The following PROM1 variants were observed in gnomAD, a reference collection of about 807,000 sequenced individuals.
PROM1 encodes prominin 1.
A neutral mutation model predicts 116.9 loss-of-function variants in PROM1; 105 were observed. The ratio of observed to expected loss-of-function variants is 0.90; its 90% CI spans 0.77 to 1.06. PROM1 has a LOEUF of 1.06. Among genes scored for constraint, PROM1 ranks in the 50% least tolerant of loss-of-function variants. The probability of loss-of-function intolerance (pLI) is 0.00; values close to 1 mark genes in which losing one functional copy is unlikely to be tolerated. For synonymous variants in PROM1, 393 were observed against 387.0 expected, an observed-to-expected ratio of 1.02 and a Z score of -0.18; for missense variants, 1,122 against 1,045.2, an observed-to-expected ratio of 1.07 and a Z score of -1.01.
At chr4:16,034,411 G>A (rs1325104797) in intron 4 of PROM1, among the ~76,000 whole-genome samples, 2 of 152,124 alleles carry the variant, frequency 1.3e-5, no homozygotes, top group Non-Finnish European at 2.9e-5. Context: ...ACCAAGCACT[G>A]AGTAGACACT....
intron 1 of PROM1, among the ~76,000 whole-genome samples, chr4:16,081,881 G>A (rs2149619500): frequency 6.7e-6 from 1 of 150,154 alleles, no homozygotes; most frequent in Admixed American, 6.7e-5. Context: ...GAAATCAGAA[G>A]GAAGTTTAGA....
At chr4:15,977,404 C>T (rs548101207) in intron 26 of PROM1, among the ~76,000 whole-genome samples, 1 of 152,132 alleles carries the variant, frequency 6.6e-6, no homozygotes, top group East Asian at 1.9e-4. Flanking sequence ...TATAAGACAC[C>T]CTCCAAGCAT....
intron 2 of PROM1, among the ~76,000 whole-genome samples, chr4:16,051,238 CT>C (rs1578219496): frequency 1.3e-5 from 2 of 152,220 alleles, no homozygotes; most frequent in African/African-American, 4.8e-5. Context: ...GTAACTGGCA[CT>C]GCTTAAATAA....
At chr4:16,068,215 T>C (rs1330236665) in intron 2 of PROM1, among the ~76,000 whole-genome samples, 1 of 152,176 alleles carries the variant, frequency 6.6e-6, no homozygotes, top group Non-Finnish European at 1.5e-5. Flanking sequence ...CTTGGCTATC[T>C]TAAATAAAAA....
intron 22 of PROM1, among the ~76,000 whole-genome samples, chr4:15,984,810 T>A (rs1347834034): frequency 1.3e-5 from 2 of 152,246 alleles, no homozygotes; most frequent in African/African-American, 2.4e-5. Flanking sequence ...TGCATAATTA[T>A]TTCATTATAT....
intron 1 of PROM1, among the ~76,000 whole-genome samples, chr4:16,081,922 CA>C (rs1560642628): frequency 6.7e-6 from 1 of 150,038 alleles, no homozygotes. Flanking sequence ...AAAAAAAAAA[CA>C]AGAATAAACT....
At chr4:16,022,814 T>C (rs1305342949) in intron 8 of PROM1, among the ~76,000 whole-genome samples, 1 of 152,232 alleles carries the variant, frequency 6.6e-6, no homozygotes, top group African/African-American at 2.4e-5. Context: ...TATGTATATT[T>C]CTTGCTTCTA....
At chr4:16,018,629 T>C (rs1729035938) in intron 8 of PROM1, 89 bp from the exon 9 acceptor site, 7 of 1,184,772 alleles carry the variant, frequency 5.9e-6, no homozygotes, top group African/African-American at 1.5e-5. Flanking sequence ...GATGGACTGG[T>C]AAATGACTTT....
At chr4:15,992,147 A>C (rs979579725) in intron 17 of PROM1, 101 bp downstream of exon 17, 2 of 1,462,102 alleles carry the variant, frequency 1.4e-6, no homozygotes, top group African/African-American at 2.8e-5. Context: ...GTCTTACATC[A>C]TGTGAATCTC....
chr4:15,982,663 C>T (rs1050710288), intron 23 of PROM1, among the ~76,000 whole-genome samples: 1 of 152,074 alleles, frequency 6.6e-6, no homozygotes, highest in African/African-American at 2.4e-5. Flanking sequence ...CTATGTGGTT[C>T]GACTGAATGG....
At chr4:15,986,382 TACG>T (rs1719416741) in intron 20 of PROM1, among the ~76,000 whole-genome samples, 1 of 151,750 alleles carries the variant, frequency 6.6e-6, no homozygotes. Context: ...TGGGGAAACA[TACG>T]ACAATGCTGG....
At chr4:16,010,778 G>A (rs1266434489) in intron 11 of PROM1, among the ~76,000 whole-genome samples, 94 of 152,280 alleles carry the variant, frequency 6.2e-4, no homozygotes, top group Non-Finnish European at 1.9e-4. Flanking sequence ...TGGGATTATA[G>A]CAGTGAGCCA....
Position 16,082,324 on chromosome 4 carries a change from G to C in PROM1, c.-213+1654C>G, listed in dbSNP as rs1028935626. On this transcript the variant is annotated intron_variant, in intron 1 of 27. Transcript: ENST00000447510. Reference sequence around the variant, plus strand: ...TTCTTATGATTCAACCCAACATATCGCAGCGGTTGTTCGTGTCGCATGAGT... The same window carrying C: ...TTCTTATGATTCAACCCAACATATCCCAGCGGTTGTTCGTGTCGCATGAGT... 3 of 151,980 alleles carry C rather than the reference G, an allele frequency of 2.0e-5. No individual in the cohort carries two copies. The East Asian group carries it at 5.8e-4, about 29-fold the overall frequency. 9.4% of individuals were successfully genotyped at this position (151,980 alleles called of 1,614,324 possible).
rs143193760 is a variant in PROM1, at chr4:16,018,421, G to C, written c.904C>G (p.Leu302Val). ...TSVKTSLRSS[L>V]NDPLCLVHPS... The stretch of plus-strand genomic sequence containing the variant: ...TGCACCAAGCACAGAGGGTCATTGA[G>C]AGATGACCGCAGGCTAGTTTTCACG... The change falls in exon 9 of 28, where the codon CTC becomes GTC. Residue 302 changes from leucine to valine, a missense_variant. Physicochemically the swap from Leu to Val is conservative, Grantham distance 32 (BLOSUM62 1). Transcript: ENST00000447510. 3.7e-6 allele frequency: 6 copies of C among 1,613,798 alleles called. No individual in the cohort carries two copies. Among genetic ancestry groups the C allele is most frequent in the African/African-American group, 1.3e-5 (1 of 75,046 alleles).
chr4:16,004,312 T>C lies in PROM1; in HGVS notation c.1454+2226A>G, dbSNP rs1434030852. Reference sequence around the variant, plus strand: ...GCTGAGATGAATCCTATGGCCTCCATGCCACAGGTCTCCATGTCTATAGAA... The same window carrying C: ...GCTGAGATGAATCCTATGGCCTCCACGCCACAGGTCTCCATGTCTATAGAA... On this transcript the variant is annotated intron_variant, in intron 13 of 27. Transcript: ENST00000447510. Among the ~76,000 whole-genome samples the C allele has an allele frequency of 2.6e-5, 4 of 152,158 alleles. No individual in the cohort carries two copies. In the South Asian group the frequency reaches 8.4e-4, roughly 32 times the overall value.
chr4:15,979,010 A>G (rs201031495), intron 26 of PROM1, among the ~76,000 whole-genome samples: 67 of 148,438 alleles, frequency 4.5e-4, no homozygotes, highest in African/African-American at 1.6e-3. Context: ...AAGGAAGGAA[A>G]GAAGGAAGGA....
chr4:15,968,813 A>T lies in PROM1; in HGVS notation c.*580T>A, dbSNP rs1250583925. 8.5e-5 allele frequency: 13 copies of T among 152,366 alleles called. 1 individual carries two copies. In the East Asian group the frequency reaches 1.5e-3, roughly 18 times the overall value. 9.4% of individuals were successfully genotyped at this position (152,366 alleles called of 1,614,324 possible). ...AATCTCTGCGTGAAGAATATGCTGT[A>T]GGTTTCACACACTTTTAGTGAAAAT... is the stretch of plus-strand genomic sequence containing the variant. On this transcript the variant is annotated 3_prime_UTR_variant, in exon 28 of 28. Transcript: ENST00000447510.
At chr4:15,983,296 C>T (rs1277628360) in intron 23 of PROM1, among the ~76,000 whole-genome samples, 3 of 152,132 alleles carry the variant, frequency 2.0e-5, no homozygotes, top group Non-Finnish European at 2.9e-5. Flanking sequence ...GCTGATGTTC[C>T]AACAGCGTGA....
intron 26 of PROM1, among the ~76,000 whole-genome samples, chr4:15,972,177 T>G (rs1027828418): frequency 6.6e-6 from 1 of 152,186 alleles, no homozygotes; most frequent in Non-Finnish European, 1.5e-5. Context: ...ATATCCATCC[T>G]ATCCTGGAAG....
Sources: allele counts gnomAD v4.1 joint callset (sites outside exome capture counted in the v4.1 genomes callset), GRCh38; gene constraint gnomAD v4.1.1; transcripts MANE v1.5; gene names NCBI Gene and HGNC (gene_info 2026-07-23, HGNC 2026-07-21).